CACNB4: variants seen among roughly 807,000 people sequenced by gnomAD.
CACNB4 encodes calcium voltage-gated channel auxiliary subunit beta 4.
In CACNB4, 32 loss-of-function variants were observed where a neutral mutation model predicts 71.2. The observed-to-expected ratio is 0.45, with a 90% CI of 0.34 to 0.60. The LOEUF (loss-of-function observed/expected upper bound fraction) is 0.60, where lower values mean the gene tolerates loss of function less well. Among genes scored for constraint, CACNB4 ranks in the 20% least tolerant of loss-of-function variants. CACNB4 has a pLI of 0.01. For synonymous variants in CACNB4, 231 were observed against 236.9 expected, an observed-to-expected ratio of 0.97 and a Z score of 0.23; for missense variants, 464 against 647.9, an observed-to-expected ratio of 0.72 and a Z score of 3.08.
At chr2:151,920,481 C>G (rs986139231) in intron 2 of CACNB4, among the ~76,000 whole-genome samples, 1 of 151,868 alleles carries the variant, frequency 6.6e-6, no homozygotes, top group African/African-American at 2.4e-5. Context: ...TGCCACCACA[C>G]CTGGTTAATT....
At chr2:152,079,735 G>A (rs1687250351) in intron 2 of CACNB4, among the ~76,000 whole-genome samples, 1 of 152,150 alleles carries the variant, frequency 6.6e-6, no homozygotes, top group Non-Finnish European at 1.5e-5. Context: ...GCAATGGGCG[G>A]TGATGGCGCC....
intron 2 of CACNB4, among the ~76,000 whole-genome samples, chr2:151,998,669 T>A (rs529983865): frequency 5.3e-5 from 8 of 152,196 alleles, no homozygotes; most frequent in Non-Finnish European, 7.3e-5. Context: ...ACTAAGTCCA[T>A]CTAGCAGGAC....
chr2:152,036,791 G>A (rs531516079), intron 2 of CACNB4, among the ~76,000 whole-genome samples: 7 of 152,246 alleles, frequency 4.6e-5, no homozygotes, highest in Admixed American at 2.6e-4. Flanking sequence ...GGACACAACG[G>A]CCTTGGACCA....
chr2:151,894,844 G>T (rs989267498), intron 2 of CACNB4, among the ~76,000 whole-genome samples: 4 of 151,984 alleles, frequency 2.6e-5, no homozygotes, highest in Non-Finnish European at 4.4e-5. Context: ...AAATATCTAT[G>T]AATACTTTTA....
At chr2:151,973,781 A>G in intron 2 of CACNB4, 6 of 1,576,268 alleles carry the variant, frequency 3.8e-6, no homozygotes, top group Non-Finnish European at 4.3e-6. Flanking sequence ...CCACAGCTAC[A>G]GCTTAAAGAG....
rs113855708 is a variant in CACNB4, at chr2:152,038,954, G to A, written c.147+59376C>T. ...TGGCCCATTGGCTAGAGCTCTGGAC[G>A]GATATAGAGGAAAGATAATACAGTA... On this transcript the variant is annotated intron_variant, in intron 2 of 13. Transcript: ENST00000539935. Among the ~76,000 whole-genome samples, 1,298 of 152,294 alleles carry A rather than the reference G, an allele frequency of 8.5e-3. 9 individuals carry two copies. The highest frequency in any genetic ancestry group is 0.017 in the Middle Eastern group (5 of 294).
At chr2:151,968,040 C>T (rs1454283680) in intron 2 of CACNB4, 1 of 152,224 alleles carries the variant, frequency 6.6e-6, no homozygotes, top group Non-Finnish European at 1.5e-5. Context: ...CATACCAATA[C>T]ATGCTGTAAA....
At chr2:151,934,762 G>A (rs754010986) in intron 2 of CACNB4, among the ~76,000 whole-genome samples, 3 of 152,114 alleles carry the variant, frequency 2.0e-5, no homozygotes, top group East Asian at 1.9e-4. Context: ...GCTTGAACCC[G>A]GGAGGCGGAG....
rs546408124 is a variant in CACNB4, at chr2:152,069,752, GCTTAATTTT to G, written c.147+28569_147+28577del. ...TTGCAGGGCCAGGCACTCCAGGTCTGCTTAATTTTCTTAATTTTCTGCTATTGGACAGAA... is the reference window on the plus strand; with the variant it reads ...TTGCAGGGCCAGGCACTCCAGGTCTGCTTAATTTTCTGCTATTGGACAGAA... On this transcript the variant is annotated intron_variant, in intron 2 of 13. Coordinates refer to ENST00000539935, the MANE Select transcript of CACNB4 (RefSeq NM_000726.5). Among the ~76,000 whole-genome samples the G allele has an allele frequency of 3.4e-3, 506 of 150,802 alleles. 4 individuals carry two copies. Among genetic ancestry groups the G allele is most frequent in the Non-Finnish European group, 5.1e-3 (348 of 67,842 alleles).
At chr2:151,874,507 A>G (rs1366204216) in intron 5 of CACNB4, among the ~76,000 whole-genome samples, 2 of 151,992 alleles carry the variant, frequency 1.3e-5, no homozygotes, top group Non-Finnish European at 2.9e-5. Flanking sequence ...AGACTAATAC[A>G]AGGGACAAGA....
intron 2 of CACNB4, among the ~76,000 whole-genome samples, chr2:151,929,182 G>A (rs1322380100): frequency 6.6e-6 from 1 of 151,876 alleles, no homozygotes; most frequent in Non-Finnish European, 1.5e-5. Flanking sequence ...GGAACCAAGA[G>A]GAGACACTAT....
At chr2:152,018,129 G>A (rs776004372) in intron 2 of CACNB4, among the ~76,000 whole-genome samples, 15 of 152,024 alleles carry the variant, frequency 9.9e-5, no homozygotes, top group African/African-American at 1.9e-4. Context: ...CACCATGCCC[G>A]GCCTTTTTTA....
chr2:151,834,908 A>G lies in CACNB4; in HGVS notation c.*4211T>C, dbSNP rs2099834574. On this transcript the variant is annotated 3_prime_UTR_variant, in exon 14 of 14. Transcript: ENST00000539935. ...GATGAGTTTTATATAATTTAAAAAA[A>G]CACAACATGCAACATTGTCATAAAA... 1 of 152,004 alleles carries G rather than the reference A, an allele frequency of 6.6e-6. No individual in the cohort carries two copies. Among genetic ancestry groups the G allele is most frequent in the South Asian group, 2.1e-4 (1 of 4,834 alleles). The allele number at this position is 152,004 out of a possible 1,614,324, so 9.4% of individuals were successfully genotyped here.
At chr2:152,099,132 C>T, upstream of CACNB4, 1 of 586,576 alleles carries the variant, frequency 1.7e-6, no homozygotes, top group Non-Finnish European at 2.9e-6. Context: ...AGGACCCGCG[C>T]CGGCGCCCAG....
chr2:152,054,184 G>A (rs373684002), intron 2 of CACNB4, among the ~76,000 whole-genome samples: 14 of 151,552 alleles, frequency 9.2e-5, no homozygotes, highest in East Asian at 7.9e-4. Flanking sequence ...TGGCTAACGC[G>A]GTGAAACCCC....
At chr2:151,990,584 G>A (rs1681651346) in intron 2 of CACNB4, among the ~76,000 whole-genome samples, 1 of 152,196 alleles carries the variant, frequency 6.6e-6, no homozygotes, top group African/African-American at 2.4e-5. Flanking sequence ...CATAGTGCCT[G>A]TGACATAGAA....
Position 152,098,821 on chromosome 2 carries a change from A to T in CACNB4, c.63+128T>A. 3 of 628,572 alleles carry T rather than the reference A, an allele frequency of 4.8e-6. No homozygotes were observed. Among genetic ancestry groups the T allele is most frequent in the East Asian group, 3.6e-5 (1 of 27,972 alleles). The allele number at this position is 628,572 out of a possible 1,614,324, so 38.9% of individuals were successfully genotyped here. A position where few individuals can be genotyped will look rare whatever the true frequency, so the allele number is the denominator to read the frequency against. ...AGGGACGTGGAGGAGGGGTGGGGGGAGCGGGGCCGCCGACTCCCGGGACTG... is the reference window on the plus strand; with the variant it reads ...AGGGACGTGGAGGAGGGGTGGGGGGTGCGGGGCCGCCGACTCCCGGGACTG... On this transcript the variant is annotated intron_variant, in intron 1 of 13. Transcript: ENST00000539935. This position sits in a 1 kb window ranked among gnomAD's most constrained non-coding sequence, Gnocchi z 5.3.
intron 2 of CACNB4, among the ~76,000 whole-genome samples, chr2:151,900,870 C>G (rs2099853198): frequency 6.6e-6 from 1 of 152,030 alleles, no homozygotes; most frequent in Admixed American, 6.5e-5. Flanking sequence ...TACTGCTTAA[C>G]AGACACTAAG....
chr2:151,950,852 T>C (rs906474363), intron 2 of CACNB4, among the ~76,000 whole-genome samples: 3 of 152,220 alleles, frequency 2.0e-5, no homozygotes, highest in African/African-American at 7.2e-5. Context: ...GGGTTTTATT[T>C]TGGAGTGATG....
Sources: gnomAD v4.1 joint callset for allele counts (sites outside exome capture counted in the v4.1 genomes callset) on GRCh38, gnomAD v4.1.1 for gene constraint, Gnocchi (gnomAD v3.1) non-coding constraint, MANE v1.5 for transcripts, NCBI Gene and HGNC (gene_info 2026-07-23, HGNC 2026-07-21) for gene names.